GRIP1: variants seen among roughly 807,000 people sequenced by gnomAD.
The protein encoded by GRIP1 is glutamate receptor interacting protein 1.
GRIP1 carries 45 observed loss-of-function variants against 129.9 expected under a neutral mutation model. The observed-to-expected ratio is 0.35, with a 90% confidence interval of 0.27 to 0.44. GRIP1 has a LOEUF of 0.44. GRIP1 is among the 20% of genes least tolerant of loss of function. The pLI, the probability that GRIP1 is intolerant of heterozygous loss-of-function variation, is 1.00. For synonymous variants in GRIP1, 530 were observed against 520.8 expected (o/e 1.02, Z -0.24); for missense variants, 1,196 against 1,396.8 (o/e 0.86, Z 2.29).
rs142940573 is a variant in GRIP1 at position 66,794,082 on chromosome 12, A to T, written c.-420+9971T>A. Among the ~76,000 whole-genome samples the T allele has an allele frequency of 2.5e-3, 379 of 152,262 alleles. 2 individuals carry two copies. Among genetic ancestry groups the T allele is most frequent in the South Asian group, 0.01 (50 of 4,828 alleles). The stretch of plus-strand genomic sequence containing the variant: ...TGCTTTCCCCTTCTATTTTCCTTGC[A>T]TTTGGATTCTCAAAACATCTGTTGC... On this transcript the variant is annotated intron_variant, in intron 1 of 4. Coordinates refer to the GRIP1 transcript ENST00000538373.
At chr12:66,394,126 A>G in intron 17 of GRIP1, 82 bp downstream of exon 17, 1 of 1,272,746 alleles carries the variant, frequency 7.9e-7, no homozygotes, top group Non-Finnish European at 1.1e-6. Flanking sequence ...AACCACAGAG[A>G]GAGGAGCATG....
chr12:67,028,360 A>C (rs1484821809), intron 1 of GRIP1, among the ~76,000 whole-genome samples: 1 of 152,200 alleles, frequency 6.6e-6, no homozygotes, highest in African/African-American at 2.4e-5. Context: ...ATTAAAGAAC[A>C]GTGTTTGAAT....
chr12:66,578,106 T>C (rs1162194538), intron 2 of GRIP1, among the ~76,000 whole-genome samples: 1 of 151,978 alleles, frequency 6.6e-6, no homozygotes, highest in Non-Finnish European at 1.5e-5. Flanking sequence ...TCAATAAAAA[T>C]ATAAAATATT....
intron 1 of GRIP1, among the ~76,000 whole-genome samples, chr12:67,042,531 T>C (rs2043195767): frequency 6.6e-6 from 1 of 152,228 alleles, no homozygotes; most frequent in African/African-American, 2.4e-5. Flanking sequence ...CTTATTTCTC[T>C]GCCAGGCATT....
chr12:66,609,664 C>G (rs1038129883), intron 1 of GRIP1, among the ~76,000 whole-genome samples: 1 of 152,136 alleles, frequency 6.6e-6, no homozygotes, highest in Non-Finnish European at 1.5e-5. Flanking sequence ...TAAATCTTGC[C>G]TGAACAAAGA....
chr12:67,060,750 G>C (rs1013243507), intron 1 of GRIP1, among the ~76,000 whole-genome samples: 1 of 151,204 alleles, frequency 6.6e-6, no homozygotes, highest in Admixed American at 6.6e-5. Flanking sequence ...TTGAACCCAG[G>C]AGGTGGAGGT....
chr12:67,065,758 T>C (rs1049406261), intron 1 of GRIP1, among the ~76,000 whole-genome samples: 9 of 152,216 alleles, frequency 5.9e-5, no homozygotes, highest in African/African-American at 2.2e-4. Flanking sequence ...AAAGCATCAT[T>C]AATTACAGAA....
At chr12:66,937,921 A>G (rs1416313981) in intron 1 of GRIP1, among the ~76,000 whole-genome samples, 2 of 152,222 alleles carry the variant, frequency 1.3e-5, no homozygotes, top group Non-Finnish European at 2.9e-5. Flanking sequence ...CCAGGTGTCC[A>G]ATATAGTAAC....
intron 22 of GRIP1, among the ~76,000 whole-genome samples, chr12:66,374,056 G>A (rs2055664682): frequency 6.6e-6 from 1 of 152,050 alleles, no homozygotes; most frequent in East Asian, 1.9e-4. Context: ...ACAAGTGTGG[G>A]CTATTTATAC....
intron 15 of GRIP1, among the ~76,000 whole-genome samples, chr12:66,418,590 T>C (rs1411843956): frequency 3.9e-5 from 6 of 152,028 alleles, no homozygotes; most frequent in South Asian, 2.1e-4. Context: ...AACAAGTCTA[T>C]AGGAAAAAAC....
chr12:66,823,410 G>C (rs903601554), intron 1 of GRIP1, among the ~76,000 whole-genome samples: 16 of 152,046 alleles, frequency 1.1e-4, no homozygotes, highest in African/African-American at 2.9e-4. Flanking sequence ...CTATTTGGTT[G>C]ATTACCCAAT....
chr12:66,951,797 G>A (rs189966688), intron 1 of GRIP1, among the ~76,000 whole-genome samples: 20 of 152,266 alleles, frequency 1.3e-4, no homozygotes, highest in African/African-American at 4.3e-4. Context: ...ATAAACAGGC[G>A]ACTGGATAGA....
At chr12:66,458,003 T>C (rs12366955) in intron 9 of GRIP1, among the ~76,000 whole-genome samples, 61,070 of 152,164 alleles carry the variant, frequency 0.4, 13,320 homozygotes, top group African/African-American at 0.55. Context: ...TATTGATTTG[T>C]CTACTTTTCC....
intron 1 of GRIP1, among the ~76,000 whole-genome samples, chr12:66,781,693 G>A (rs1428279284): frequency 6.6e-6 from 1 of 152,156 alleles, no homozygotes; most frequent in Non-Finnish European, 1.5e-5. Context: ...TCTGTCCAAG[G>A]CAAACTGAAG....
intron 1 of GRIP1, among the ~76,000 whole-genome samples, chr12:66,914,677 G>T (rs951744121): frequency 1.3e-5 from 2 of 152,156 alleles, no homozygotes; most frequent in Non-Finnish European, 2.9e-5. Flanking sequence ...TCCCTGTTTG[G>T]CGTTTCTCTG....
rs768622824 is a variant in GRIP1 at position 66,377,284 on chromosome 12, A to G, written c.2623T>C (p.Phe875Leu). ...EDWDRSTASG[F>L]AGAADSAETE... ...TCTGCACTATCGGCAGCCCCTGCAAAACTGTTGTCAAGAAACACAGGCTGG... is the reference window on the plus strand; with the variant it reads ...TCTGCACTATCGGCAGCCCCTGCAAGACTGTTGTCAAGAAACACAGGCTGG... The change falls in exon 21 of 25, where the codon TTT becomes CTT. Residue 875 changes from phenylalanine to leucine, a missense_variant and splice_region_variant. Physicochemically the swap from Phe to Leu is conservative, Grantham distance 22. Transcript: ENST00000359742. The G allele has an allele frequency of 1.3e-6, 2 of 1,598,286 alleles. No individual in the cohort carries two copies. The highest frequency in any genetic ancestry group is 2.2e-5 in the South Asian group (2 of 90,752).
intron 1 of GRIP1, among the ~76,000 whole-genome samples, chr12:66,678,260 C>T (rs1200642643): frequency 3.9e-5 from 6 of 151,960 alleles, no homozygotes; most frequent in Admixed American, 1.3e-4. Context: ...GATAAGATTC[C>T]GAGCAATGAT....
chr12:66,477,509 A>G (rs957758591), intron 7 of GRIP1, among the ~76,000 whole-genome samples: 5 of 151,966 alleles, frequency 3.3e-5, no homozygotes, highest in African/African-American at 1.2e-4. Context: ...GACTTTCTTC[A>G]CAGAATTGGA....
intron 5 of GRIP1, among the ~76,000 whole-genome samples, chr12:66,528,676 C>A (rs1332417478): frequency 6.6e-6 from 1 of 151,830 alleles, no homozygotes; most frequent in Admixed American, 6.6e-5. Flanking sequence ...TCAGTGATAT[C>A]GAAAAATATA....
Sources: allele counts gnomAD v4.1 joint callset (sites outside exome capture counted in the v4.1 genomes callset), GRCh38; gene constraint gnomAD v4.1.1; transcripts MANE v1.5; gene names NCBI Gene and HGNC (gene_info 2026-07-23, HGNC 2026-07-21).